RPS6KA3: variants seen among roughly 807,000 people sequenced by gnomAD.
RPS6KA3 encodes the protein ribosomal protein S6 kinase alpha-3.
In RPS6KA3, 4 loss-of-function variants were observed where a neutral mutation model predicts 67.2. The ratio of observed to expected loss-of-function variants is 0.06; its 90% CI spans 0.03 to 0.14. RPS6KA3 has a LOEUF of 0.14. RPS6KA3 is among the 10% of genes least tolerant of loss of function. The probability of loss-of-function intolerance (pLI) is 1.00; values close to 1 mark genes in which losing one functional copy is unlikely to be tolerated. For missense variants in RPS6KA3, 204 were observed against 559.0 expected (o/e 0.36, Z 6.40); for synonymous variants, 182 against 183.7 (o/e 0.99, Z 0.07).
chrX:20,157,644 C>G (rs2067218650), intron 20 of RPS6KA3, among the ~76,000 whole-genome samples: 1 of 111,074 alleles, frequency 9.0e-6, no homozygotes, highest in Admixed American at 9.7e-5. Flanking sequence ...TGGAGGGACA[C>G]AGAGATACCT....
Position 20,152,664 on chromosome X carries a change from C to T in RPS6KA3, c.*2734G>A, listed in dbSNP as rs941998929. On this transcript the variant is annotated 3_prime_UTR_variant, in exon 22 of 22. Coordinates refer to ENST00000379565, the MANE Select transcript of RPS6KA3 (RefSeq NM_004586.3). ...CACAAGCACTATATTTAGAGCACAT[C>T]GTTGGCCAAGTTTTTCCACTGTATG... is the stretch of plus-strand genomic sequence containing the variant. The T allele has an allele frequency of 2.7e-5, 3 of 112,041 alleles. No homozygotes were observed. The highest frequency in any genetic ancestry group is 2.8e-4 in the East Asian group (1 of 3,608). The allele number at this position is 112,041 out of a possible 1,213,427, so 9.2% of individuals were successfully genotyped here. A position where few individuals can be genotyped will look rare whatever the true frequency, so the allele number is the denominator to read the frequency against.
intron 1 of RPS6KA3, among the ~76,000 whole-genome samples, chrX:20,245,034 G>A (rs1266445311): frequency 8.9e-6 from 1 of 111,796 alleles, no homozygotes; most frequent in Non-Finnish European, 1.9e-5. Flanking sequence ...CTAAAAACTG[G>A]TGTATCCTTG....
chrX:20,252,430 A>G (rs1184450296), intron 1 of RPS6KA3, among the ~76,000 whole-genome samples: 1 of 109,395 alleles, frequency 9.1e-6, no homozygotes, highest in Non-Finnish European at 1.9e-5. Context: ...TTTTTCCCCG[A>G]AGCAGGCAGT....
At chrX:20,163,841 A>G (rs975622092) in intron 18 of RPS6KA3, among the ~76,000 whole-genome samples, 1 of 111,198 alleles carries the variant, frequency 9.0e-6, no homozygotes, top group Non-Finnish European at 1.9e-5. Context: ...GCTTATTTTT[A>G]TATTTTTAGT....
intron 20 of RPS6KA3, among the ~76,000 whole-genome samples, chrX:20,159,818 T>C: frequency 8.9e-6 from 1 of 112,225 alleles, no homozygotes; most frequent in African/African-American, 3.2e-5. Context: ...CTCCACAGAA[T>C]GCACTTTAAA....
intron 1 of RPS6KA3, among the ~76,000 whole-genome samples, chrX:20,254,706 T>C (rs1022538139): frequency 8.9e-6 from 1 of 112,426 alleles, no homozygotes. Context: ...ACGTGAATTA[T>C]GTATACGAAT....
At chrX:20,231,144 G>A (rs1356856534) in intron 2 of RPS6KA3, among the ~76,000 whole-genome samples, 1 of 110,379 alleles carries the variant, frequency 9.1e-6, no homozygotes, top group Non-Finnish European at 1.9e-5. Context: ...CTGTAGTAGA[G>A]ACAGGGACTT....
intron 15 of RPS6KA3, among the ~76,000 whole-genome samples, chrX:20,170,837 G>A (rs2067554414): frequency 9.0e-6 from 1 of 110,638 alleles, no homozygotes. Flanking sequence ...AGAGTACAGT[G>A]GCACATAGCT....
chrX:20,182,902 A>G (rs1210848882), intron 10 of RPS6KA3, among the ~76,000 whole-genome samples: 1 of 111,713 alleles, frequency 9.0e-6, no homozygotes, highest in African/African-American at 3.3e-5. Context: ...AAATTTTTGT[A>G]TAGGGCAGCA....
Position 20,150,495 on chromosome X carries a change from G to C in RPS6KA3, c.*4903C>G, listed in dbSNP as rs934235077. The C allele has an allele frequency of 8.9e-6, 1 of 112,532 alleles. No individual in the cohort carries two copies. The highest frequency in any genetic ancestry group is 1.9e-5 in the Non-Finnish European group (1 of 53,181). 9.3% of individuals were successfully genotyped at this position (112,532 alleles called of 1,213,427 possible). ...TAATCAATAAGGATGCTAAGGAATG[G>C]CAATACCTTGAAGCTTTTTTTAAAA... On this transcript the variant is annotated 3_prime_UTR_variant, in exon 22 of 22. Transcript: ENST00000379565.
At chrX:20,232,497 G>C (rs1179784714) in intron 2 of RPS6KA3, among the ~76,000 whole-genome samples, 1 of 111,126 alleles carries the variant, frequency 9.0e-6, no homozygotes, top group South Asian at 3.8e-4. Flanking sequence ...GCTTGAACCC[G>C]GGAGGCAGAG....
chrX:20,182,164 A>G (rs950886111), intron 10 of RPS6KA3, among the ~76,000 whole-genome samples: 21 of 112,113 alleles, frequency 1.9e-4, no homozygotes, highest in Non-Finnish European at 1.5e-4. Flanking sequence ...GCCAAGACAC[A>G]TAACATTGCC....
chrX:20,237,064 T>C (rs2069429120), intron 1 of RPS6KA3, among the ~76,000 whole-genome samples: 1 of 111,797 alleles, frequency 8.9e-6, no homozygotes, highest in Admixed American at 9.5e-5. Flanking sequence ...CTTCAGAGGG[T>C]TGTAGTAAAG....
chrX:20,221,564 GC>G (rs2068988142), intron 2 of RPS6KA3, among the ~76,000 whole-genome samples: 1 of 111,759 alleles, frequency 8.9e-6, no homozygotes, highest in Non-Finnish European at 1.9e-5. Context: ...AATATTTTCA[GC>G]TTTGCAGGAC....
At chrX:20,242,981 G>A (rs762742373) in intron 1 of RPS6KA3, among the ~76,000 whole-genome samples, 15 of 110,158 alleles carry the variant, frequency 1.4e-4, no homozygotes, top group Non-Finnish European at 2.1e-4. Context: ...TTAATAATCA[G>A]GTTATATTTT....
At chrX:20,193,740 T>C (rs777708732) in intron 6 of RPS6KA3, 147 bp from the exon 7 acceptor site, 5 of 433,038 alleles carry the variant, frequency 1.2e-5, no homozygotes, top group South Asian at 7.5e-5. Flanking sequence ...GTGAAAGGAA[T>C]AGCAAAATTA....
At chrX:20,187,016 G>A (rs958224825) in intron 9 of RPS6KA3, among the ~76,000 whole-genome samples, 1 of 110,019 alleles carries the variant, frequency 9.1e-6, no homozygotes, top group African/African-American at 3.3e-5. Flanking sequence ...TGTAGTTGTA[G>A]TAGAGACAGG....
Position 20,216,583 on chromosome X carries a change from A to AG in RPS6KA3, c.127-7180dup, listed in dbSNP as rs113204586. On this transcript the variant is annotated intron_variant, in intron 2 of 21. Transcript: ENST00000379565. ...AGAGATGAGAATAGCAGATATGGAA[A>AG]GGGGGGGGTTGTAATTTTCAATAAA... 6.6e-3 allele frequency among the ~76,000 whole-genome samples: 717 copies of AG among 109,144 alleles called. 8 individuals are homozygous for AG. The highest frequency in any genetic ancestry group is 0.014 in the Middle Eastern group (3 of 217). 94.8% of individuals were successfully genotyped at this position (109,144 alleles called of 115,157 possible).
In RPS6KA3 at chrX:20,204,367, C is replaced by A. The variant is rs7472505; in HGVS notation, c.244-264G>T. Reference sequence around the variant, plus strand: ...TGTAACACATTAAGACAGAAAAAAACCCTTTAAACTACATATGTATGAATT... The same window carrying A: ...TGTAACACATTAAGACAGAAAAAAAACCTTTAAACTACATATGTATGAATT... On this transcript the variant is annotated intron_variant, in intron 3 of 21. Coordinates refer to ENST00000379565, the MANE Select transcript of RPS6KA3 (RefSeq NM_004586.3). Among the ~76,000 whole-genome samples, 42,266 of 110,592 alleles carry A rather than the reference C, an allele frequency of 0.38. 8,634 individuals carry two copies. Among genetic ancestry groups the A allele is most frequent in the African/African-American group, 0.79 (23,917 of 30,254 alleles).
Sources: allele counts gnomAD v4.1 joint callset (sites outside exome capture counted in the v4.1 genomes callset), GRCh38; gene constraint gnomAD v4.1.1; transcripts MANE v1.5; gene names NCBI Gene and HGNC (gene_info 2026-07-23, HGNC 2026-07-21).